ZNF541: variants seen among roughly 807,000 people sequenced by gnomAD.
ZNF541 encodes the protein zinc finger protein 541.
ZNF541 carries 23 observed loss-of-function variants against 123.5 expected under a neutral mutation model. The ratio of observed to expected loss-of-function variants is 0.19; its 90% confidence interval spans 0.13 to 0.26. ZNF541 has a LOEUF of 0.26. ZNF541 is among the 10% of genes least tolerant of loss of function. ZNF541 has a pLI of 1.00. For missense variants in ZNF541, 1,612 were observed against 1,789.9 expected (o/e 0.90, Z 1.79); for synonymous variants, 751 against 754.5 (o/e 1.00, Z 0.08).
chr19:47,544,612 G>T lies in ZNF541; in HGVS notation c.1917C>A (p.Ser639=), dbSNP rs1166312091. ...TTGCGTCTCGTCTCGTGCTGCCGGG[G>T]GAGGCCTCTCTGGGAACCCCGGGTG... ...KTTPGVPREA[S]PGSTRRDAKG... is the part of the protein sequence containing the mutation. Residue 639 remains serine, a synonymous_variant, in exon 5 of 17, where the codon TCC becomes TCA. Transcript: ENST00000391901. 2 of 1,551,078 alleles carry T rather than the reference G, an allele frequency of 1.3e-6. No homozygotes were observed. The highest frequency in any genetic ancestry group is 1.7e-6 in the Non-Finnish European group (2 of 1,146,966).
At chr19:47,540,129 C>G in intron 7 of ZNF541, 47 bp downstream of exon 7, 6 of 1,526,844 alleles carry the variant, frequency 3.9e-6, no homozygotes, top group Non-Finnish European at 5.3e-6. Context: ...CCCCACAGGC[C>G]TGCCAGAAAC....
intron 12 of ZNF541, 38 bp downstream of exon 12, chr19:47,531,604 C>A: frequency 6.7e-7 from 1 of 1,482,074 alleles, no homozygotes; most frequent in Non-Finnish European, 9.1e-7. Context: ...AACCCTGGGC[C>A]CCAGGAAAGC....
In ZNF541 at chr19:47,539,780, T is replaced by G; in HGVS notation, c.2721A>C (p.Thr907=). ...GGGGGACCACCAAAGGGGCTGCAGC[T>G]GTGGGGTCCAAGGGCTTCTTGGTTC... is the stretch of plus-strand genomic sequence containing the variant. ...PPGTKKPLDP[T]AAAPLVVPQS... Residue 907 remains threonine (T), a synonymous_variant, in exon 8 of 17, where the codon ACA becomes ACC. Transcript: ENST00000391901. 1 of 1,479,678 alleles carries G rather than the reference T, an allele frequency of 6.8e-7. No individual in the cohort carries two copies. The highest frequency in any genetic ancestry group is 8.9e-7 in the Non-Finnish European group (1 of 1,122,868). The allele number at this position is 1,479,678 out of a possible 1,614,324, so 91.7% of individuals were successfully genotyped here.
rs147738551 is a variant in ZNF541 at position 47,559,615 on chromosome 19, C to T, written c.-98-3661G>A. ...CTGTAATCGCAGCACTTTAGGAGGC[C>T]GAGATGGGCAGATCACCTGAGGCCA... On this transcript the variant is annotated intron_variant, in intron 2 of 16. Coordinates refer to ENST00000391901, the MANE Select transcript of ZNF541 (RefSeq NM_001277075.3). Among the ~76,000 whole-genome samples, 600 of 152,036 alleles carry T rather than the reference C, an allele frequency of 3.9e-3. 2 individuals are homozygous for T. Among genetic ancestry groups the T allele is most frequent in the African/African-American group, 0.014 (561 of 41,492 alleles).
Position 47,538,414 on chromosome 19 carries a change from C to A in ZNF541, c.2822G>T (p.Arg941Leu). 6.5e-7 allele frequency: 1 copy of A among 1,530,422 alleles called. No individual in the cohort carries two copies. 94.8% of individuals were successfully genotyped at this position (1,530,422 alleles called of 1,614,324 possible). ...AMGQEKDGEE[R>L]DSKESSQQRK... ...CTGCTGGCTGCTCTCCTTGCTGTCTCGCTCCTCCCCGTCTTTCTCTTGTCC... is the reference window on the plus strand; with the variant it reads ...CTGCTGGCTGCTCTCCTTGCTGTCTAGCTCCTCCCCGTCTTTCTCTTGTCC... The change falls in exon 9 of 17, where the codon CGA (arginine) becomes CTA (leucine). Residue 941 changes from arginine (R) to leucine (L), a missense_variant. Physicochemically the swap from Arg to Leu is moderately radical, Grantham distance 102. Around this residue, in one of 5 missense-constraint regions of ZNF541, gnomAD observed 1,080 missense variants for 1,013.8 expected, o/e 1.07. Transcript: ENST00000391901.
chr19:47,554,475 G>A (rs996109598), intron 3 of ZNF541, among the ~76,000 whole-genome samples: 6 of 152,090 alleles, frequency 3.9e-5, no homozygotes, highest in African/African-American at 1.2e-4. Flanking sequence ...CGAATATCTC[G>A]CCAGTGCTTT....
chr19:47,569,243 C>T (rs947265438), intron 2 of ZNF541, among the ~76,000 whole-genome samples: 8 of 151,996 alleles, frequency 5.3e-5, no homozygotes, highest in Admixed American at 2.0e-4. Context: ...TTATAATATT[C>T]ATCATTGTAA....
rs942193302 is a variant in ZNF541 at position 47,559,557 on chromosome 19, A to G, written c.-98-3603T>C. Among the ~76,000 whole-genome samples, 4 of 151,598 alleles carry G rather than the reference A, an allele frequency of 2.6e-5. No individual in the cohort carries two copies. The East Asian group carries it at 7.9e-4, about 30-fold the overall frequency. On this transcript the variant is annotated intron_variant, in intron 2 of 16. Transcript: ENST00000391901. Reference sequence around the variant, plus strand: ...AGCAACCAAGCAAACCCTAAGAAAAAGGTGACTTTGATGTTTGATTACAGG... The same window carrying G: ...AGCAACCAAGCAAACCCTAAGAAAAGGGTGACTTTGATGTTTGATTACAGG...
At chr19:47,556,673 T>G (rs1258005558) in intron 2 of ZNF541, among the ~76,000 whole-genome samples, 1 of 151,994 alleles carries the variant, frequency 6.6e-6, no homozygotes, top group Non-Finnish European at 1.5e-5. Flanking sequence ...AAATACAACC[T>G]GGATTTGGAA....
rs527575423 is a variant in ZNF541 at position 47,536,021 on chromosome 19, T to A, written c.3094+2121A>T. 3.3e-5 allele frequency among the ~76,000 whole-genome samples: 5 copies of A among 152,330 alleles called. No homozygotes were observed. In the East Asian group the frequency reaches 9.6e-4, roughly 29 times the overall value. ...TAGATTATAGATCAATTAAAAGTAT[T>A]CCTTACAGGAAACAAAGGGATGGGC... On this transcript the variant is annotated intron_variant, in intron 9 of 16. Coordinates refer to ENST00000391901, the MANE Select transcript of ZNF541 (RefSeq NM_001277075.3).
intron 12 of ZNF541, among the ~76,000 whole-genome samples, chr19:47,530,404 G>A (rs920779266): frequency 1.4e-5 from 2 of 147,170 alleles, no homozygotes; most frequent in Non-Finnish European, 3.0e-5. Context: ...GGCTGGTCTC[G>A]AACTCACGAC....
intron 13 of ZNF541, among the ~76,000 whole-genome samples, 195 bp from the exon 14 acceptor site, chr19:47,529,233 G>C (rs556252909): frequency 6.6e-6 from 1 of 152,170 alleles, no homozygotes; most frequent in African/African-American, 2.4e-5. Flanking sequence ...GGCAACTGAG[G>C]CTTCAGTCGC....
intron 2 of ZNF541, among the ~76,000 whole-genome samples, chr19:47,570,953 G>GAA (rs1177185933): frequency 1.1e-5 from 1 of 87,116 alleles, no homozygotes. Context: ...ATCTCAAAAA[G>GAA]AAAAAAAAAA....
At chr19:47,560,203 T>C (rs897254729) in intron 2 of ZNF541, among the ~76,000 whole-genome samples, 7 of 152,054 alleles carry the variant, frequency 4.6e-5, no homozygotes, top group Non-Finnish European at 1.0e-4. Flanking sequence ...GCAAAAGATA[T>C]TGATTGGGGC....
intron 8 of ZNF541, 190 bp from the exon 9 acceptor site, chr19:47,538,629 A>G: frequency 1.7e-6 from 1 of 571,790 alleles, no homozygotes. Context: ...ATCCGGCTGC[A>G]GCCTTCTCCT....
chr19:47,521,766 C>T lies in ZNF541; in HGVS notation c.3711+88G>A, dbSNP rs559304284. 3.3e-4 allele frequency: 505 copies of T among 1,524,258 alleles called. 1 individual carries two copies. Among genetic ancestry groups the T allele is most frequent in the Non-Finnish European group, 3.7e-4 (416 of 1,131,578 alleles). The allele number at this position is 1,524,258 out of a possible 1,614,324, so 94.4% of individuals were successfully genotyped here. A position where few individuals can be genotyped will look rare whatever the true frequency, so the allele number is the denominator to read the frequency against. Reference sequence around the variant, plus strand: ...AGGAAAACCCTTCCATCAGGAGCACCCCCGCCCTCTGACCCCACCGTCCAA... The same window carrying T: ...AGGAAAACCCTTCCATCAGGAGCACTCCCGCCCTCTGACCCCACCGTCCAA... On this transcript the variant is annotated intron_variant, in intron 15 of 16. Coordinates refer to ENST00000391901, the MANE Select transcript of ZNF541 (RefSeq NM_001277075.3). The surrounding 1 kb of genome is among the most constrained non-coding windows in gnomAD (Gnocchi z 4.2).
chr19:47,532,330 A>T (rs1315586129), intron 10 of ZNF541, 60 bp from the exon 11 acceptor site: 1 of 1,532,948 alleles, frequency 6.5e-7, no homozygotes, highest in East Asian at 2.5e-5. Flanking sequence ...ATGGGAAGTG[A>T]AATGGAGACG....
intron 9 of ZNF541, 62 bp from the exon 10 acceptor site, chr19:47,533,034 T>G: frequency 2.7e-6 from 4 of 1,479,894 alleles, no homozygotes; most frequent in Non-Finnish European, 3.7e-6. Flanking sequence ...CAGGGTCCTC[T>G]GCCTGCCTGT....
chr19:47,545,557 G>A lies in ZNF541; in HGVS notation c.972C>T (p.His324=), dbSNP rs1452692447. ...CGGTGTCCAGCGCTGCTGGGGCCGCGTGGGGGCCGGCTGGGGTGCAGGACG... is the reference window on the plus strand; with the variant it reads ...CGGTGTCCAGCGCTGCTGGGGCCGCATGGGGGCCGGCTGGGGTGCAGGACG... ...GSSSCTPAGP[H]AAPAALDTEL... Residue 324 remains histidine, a synonymous_variant, in exon 5 of 17, where the codon CAC becomes CAT. Coordinates refer to ENST00000391901, the MANE Select transcript of ZNF541 (RefSeq NM_001277075.3). This position sits in a 1 kb window ranked among gnomAD's most constrained non-coding sequence, Gnocchi z 7.5. 6.5e-7 allele frequency: 1 copy of A among 1,538,858 alleles called. No individual in the cohort carries two copies.
Sources: gnomAD v4.1 joint callset for allele counts (sites outside exome capture counted in the v4.1 genomes callset) on GRCh38, gnomAD v4.1.1 for gene constraint, gnomAD v4.1.1 regional missense constraint, Gnocchi (gnomAD v3.1) non-coding constraint, MANE v1.5 for transcripts, NCBI Gene and HGNC (gene_info 2026-07-23, HGNC 2026-07-21) for gene names.